Variants in SFI1 observed in about 807,000 individuals in gnomAD.
The protein encoded by SFI1 is protein SFI1 homolog.
A neutral mutation model predicts 207.5 loss-of-function variants in SFI1; 195 were observed. The ratio of observed to expected loss-of-function variants is 0.94; its 90% confidence interval spans 0.84 to 1.06. The LOEUF is 1.06. Ranked by LOEUF, SFI1 falls within the 50% of genes least tolerant of loss-of-function variation. The probability of loss-of-function intolerance (pLI) is 0.00; values close to 1 mark genes in which losing one functional copy is unlikely to be tolerated. For missense variants in SFI1, 1,634 were observed against 1,588.0 expected (o/e 1.03, Z -0.49); for synonymous variants, 630 against 598.9 (o/e 1.05, Z -0.76).
At chr22:31,617,188 G>A in intron 31 of SFI1, 110 bp downstream of exon 31, 1 of 1,166,072 alleles carries the variant, frequency 8.6e-7, no homozygotes, top group Non-Finnish European at 1.2e-6. Flanking sequence ...TCCTGTAGGT[G>A]GTCTCGGTCT....
intron 21 of SFI1, 64 bp from the exon 22 acceptor site, chr22:31,607,873 C>T: frequency 6.8e-7 from 1 of 1,474,536 alleles, no homozygotes; most frequent in Non-Finnish European, 9.4e-7. Context: ...CCGTCACAGA[C>T]CTGGGGTGGA....
chr22:31,606,270 C>T, intron 20 of SFI1, 58 bp from the exon 21 acceptor site: 1 of 1,480,526 alleles, frequency 6.8e-7, no homozygotes, highest in Non-Finnish European at 9.4e-7. Context: ...TTCACAGAAG[C>T]CTCCCTTCTC....
At chr22:31,584,952 C>T in intron 13 of SFI1, 116 bp from the exon 14 acceptor site, 1 of 657,936 alleles carries the variant, frequency 1.5e-6, no homozygotes, top group Non-Finnish European at 2.5e-6. Context: ...TAGAATGAAA[C>T]TAGTAAGCCC....
At chr22:31,499,586 AT>A (rs1371991720) in intron 1 of SFI1, among the ~76,000 whole-genome samples, 1 of 152,160 alleles carries the variant, frequency 6.6e-6, no homozygotes, top group Non-Finnish European at 1.5e-5. Context: ...CAGTGGTAGG[AT>A]TTAAGAGGAT....
intron 4 of SFI1, among the ~76,000 whole-genome samples, chr22:31,542,451 A>G (rs1195415325): frequency 6.6e-6 from 1 of 151,596 alleles, no homozygotes. Context: ...AACATGGTGA[A>G]ACCCCATCTC....
chr22:31,612,768 T>C (rs1023453930), intron 24 of SFI1: 3 of 203,520 alleles, frequency 1.5e-5, no homozygotes, highest in East Asian at 2.2e-4. Flanking sequence ...GAAATGTGTT[T>C]TAAGGCTTTG....
intron 2 of SFI1, among the ~76,000 whole-genome samples, chr22:31,520,285 C>G (rs183824464): frequency 6.6e-6 from 1 of 151,894 alleles, no homozygotes; most frequent in Non-Finnish European, 1.5e-5. Context: ...ATGGTAATTA[C>G]TTTCTCACTT....
intron 20 of SFI1, 36 bp downstream of exon 20, chr22:31,604,981 G>A (rs2068726690): frequency 6.5e-7 from 1 of 1,549,866 alleles, no homozygotes; most frequent in Admixed American, 1.9e-5. Flanking sequence ...CTCCAGCTGG[G>A]GAACAAGGAA....
At chr22:31,561,480 A>C in intron 8 of SFI1, 88 bp downstream of exon 8, 5 of 1,136,284 alleles carry the variant, frequency 4.4e-6, no homozygotes, top group Non-Finnish European at 6.3e-6. Flanking sequence ...CCTTCCCTGC[A>C]GCTCAGGGCC....
At chr22:31,588,641 T>C (rs367958644) in intron 14 of SFI1, among the ~76,000 whole-genome samples, 1,631 of 152,224 alleles carry the variant, frequency 0.011, 8 homozygotes, top group Middle Eastern at 0.031. Flanking sequence ...GGTGAAACCC[T>C]GTCTCTACTA....
At chr22:31,604,659 T>C in intron 19 of SFI1, 1 of 589,840 alleles carries the variant, frequency 1.7e-6, no homozygotes. Flanking sequence ...AGTCCCATGG[T>C]TTGACTTAGG....
rs1484104536 is a variant in SFI1, at chr22:31,552,833, A to G, written c.544+2485A>G. ...TCCCTTTCTCCACGTGCATGCCAAC[A>G]TCTGTTATTAAACTTTTTTTTTTTA... On this transcript the variant is annotated intron_variant, in intron 6 of 32. Transcript: ENST00000400288. Among the ~76,000 whole-genome samples, 12 of 151,278 alleles carry G rather than the reference A, an allele frequency of 7.9e-5. No homozygotes were observed. In the Admixed American group the frequency reaches 8.0e-4, roughly 10 times the overall value.
intron 4 of SFI1, among the ~76,000 whole-genome samples, chr22:31,536,899 T>G (rs374653434): frequency 1.2e-4 from 18 of 150,978 alleles, no homozygotes; most frequent in Non-Finnish European, 2.2e-4. Flanking sequence ...TGTTTTTTGT[T>G]TTTTTTTTTA....
In SFI1 at chr22:31,613,521, G is replaced by A. The variant is rs2070766874; in HGVS notation, c.2733G>A (p.Gln911=). The change falls in exon 26 of 33, where the codon CAG becomes CAA. Residue 911 remains glutamine (Q), a synonymous_variant. Transcript: ENST00000400288. Reference sequence around the variant, plus strand: ...CCCGGCAGCAGCTGCAGGCCCAGCAGCAGGTCCAGGTAGGCCCAGGGCCCC... The same window carrying A: ...CCCGGCAGCAGCTGCAGGCCCAGCAACAGGTCCAGGTAGGCCCAGGGCCCC... ...KASRQQLQAQ[Q]QVQAAHSLHR... The A allele has an allele frequency of 1.1e-5, 18 of 1,590,988 alleles. No individual in the cohort carries two copies. Among genetic ancestry groups the A allele is most frequent in the Non-Finnish European group, 1.4e-5 (16 of 1,172,682 alleles).
At chr22:31,519,469 C>T (rs1359948442) in intron 2 of SFI1, among the ~76,000 whole-genome samples, 3 of 151,336 alleles carry the variant, frequency 2.0e-5, no homozygotes, top group Non-Finnish European at 2.9e-5. Context: ...CACAGTCTTG[C>T]TCTCCCGCCC....
At chr22:31,610,662 G>C (rs1603350315) in intron 22 of SFI1, among the ~76,000 whole-genome samples, 2 of 152,260 alleles carry the variant, frequency 1.3e-5, no homozygotes, top group Admixed American at 1.3e-4. Flanking sequence ...CTGGCGACCA[G>C]CGCTGTCCTC....
chr22:31,552,015 G>T (rs1336887006), intron 6 of SFI1, among the ~76,000 whole-genome samples: 1 of 152,060 alleles, frequency 6.6e-6, no homozygotes, highest in Admixed American at 6.6e-5. Flanking sequence ...TTCAACCCTT[G>T]GGCCTCTTCC....
chr22:31,530,360 G>A (rs1311703480), intron 3 of SFI1, among the ~76,000 whole-genome samples: 1 of 147,298 alleles, frequency 6.8e-6, no homozygotes, highest in Non-Finnish European at 1.5e-5. Flanking sequence ...TGCAGTGGCG[G>A]GTGCCTGTGG....
intron 4 of SFI1, among the ~76,000 whole-genome samples, chr22:31,536,791 C>T (rs1569244407): frequency 6.6e-6 from 1 of 152,308 alleles, no homozygotes; most frequent in East Asian, 1.9e-4. Context: ...CAAATAATGC[C>T]TTCCAAGTCC....
Sources: allele counts gnomAD v4.1 joint callset (sites outside exome capture counted in the v4.1 genomes callset), GRCh38; gene constraint gnomAD v4.1.1; transcripts MANE v1.5; gene names NCBI Gene and HGNC (gene_info 2026-07-23, HGNC 2026-07-21).